Variants in NUCB2 observed in about 807,000 individuals in gnomAD.
NUCB2 encodes nucleobindin 2.
Under a neutral mutation model 57.9 loss-of-function variants are expected in NUCB2, and 48 were observed. The ratio of observed to expected loss-of-function variants is 0.83; its 90% CI spans 0.66 to 1.05. The LOEUF is 1.05. Ranked by LOEUF, NUCB2 falls within the 50% of genes least tolerant of loss-of-function variation. NUCB2 has a pLI of 0.00. For missense variants in NUCB2, 442 were observed against 476.2 expected, an observed-to-expected ratio of 0.93 and a Z score of 0.67; for synonymous variants, 139 against 152.1, an observed-to-expected ratio of 0.91 and a Z score of 0.64.
chr11:17,331,193 G>A, intron 13 of NUCB2: 1 of 535,956 alleles, frequency 1.9e-6, no homozygotes. Flanking sequence ...TGTATCATTT[G>A]TATAATTTGA....
rs1555071216 is a variant in NUCB2, at chr11:17,288,963, A to AT, written c.-1+6032dup. On this transcript the variant is annotated intron_variant, in intron 2 of 13. Transcript: ENST00000529010. ...CACACACACACACATATATATATAT[A>AT]TTTTTTTTTTTTGAGATGGAGTTTT... 9.1e-3 allele frequency among the ~76,000 whole-genome samples: 616 copies of AT among 68,038 alleles called. 109 individuals carry two copies. The highest frequency in any genetic ancestry group is 0.024 in the Middle Eastern group (2 of 84). The allele number at this position is 68,038 out of a possible 152,430, so 44.6% of individuals were successfully genotyped here.
chr11:17,278,916 G>A (rs1941946746), intron 1 of NUCB2, among the ~76,000 whole-genome samples: 1 of 152,184 alleles, frequency 6.6e-6, no homozygotes, highest in African/African-American at 2.4e-5. Context: ...CTTTAGGCCG[G>A]GCATGGTGGC....
chr11:17,319,528 G>A (rs1591506313), intron 11 of NUCB2, among the ~76,000 whole-genome samples: 2 of 152,160 alleles, frequency 1.3e-5, no homozygotes, highest in African/African-American at 4.8e-5. Context: ...AGATGACAGA[G>A]CAGGGGAATT....
chr11:17,331,391 C>CT (rs1951393559), intron 13 of NUCB2, 21 bp from the exon 14 acceptor site: 2 of 1,406,548 alleles, frequency 1.4e-6, no homozygotes, highest in Non-Finnish European at 1.9e-6. Flanking sequence ...AAAATAAGAA[C>CT]TTTTTTCTTT....
At chr11:17,324,865 G>A (rs1239402512) in intron 11 of NUCB2, among the ~76,000 whole-genome samples, 4 of 151,370 alleles carry the variant, frequency 2.6e-5, no homozygotes, top group African/African-American at 7.3e-5. Context: ...GCAGTGGCGC[G>A]ATCTTGGCTC....
At chr11:17,337,120 T>C (rs1182651831), downstream of NUCB2, among the ~76,000 whole-genome samples, 4 of 152,076 alleles carry the variant, frequency 2.6e-5, no homozygotes, top group Non-Finnish European at 4.4e-5. Context: ...TTTAAATTTG[T>C]TGTAGAGATG....
chr11:17,328,706 C>T (rs1174488953), intron 11 of NUCB2, among the ~76,000 whole-genome samples: 2 of 152,124 alleles, frequency 1.3e-5, no homozygotes, highest in African/African-American at 4.8e-5. Context: ...GAAGTGGGCT[C>T]CCCTCTGGCC....
intron 2 of NUCB2, chr11:17,286,765 C>T (rs1421477582): frequency 6.6e-6 from 1 of 152,164 alleles, no homozygotes; most frequent in East Asian, 1.9e-4. Context: ...TCATCTCTTT[C>T]TTCTATATGG....
intron 5 of NUCB2, among the ~76,000 whole-genome samples, chr11:17,306,911 C>CA (rs200996662): frequency 0.045 from 3,566 of 79,698 alleles, 150 homozygotes; most frequent in African/African-American, 0.13. Context: ...GACTCCGTCT[C>CA]AAAAAAAAAA....
intron 4 of NUCB2, 76 bp from the exon 5 acceptor site, chr11:17,301,668 C>T: frequency 9.9e-7 from 1 of 1,010,730 alleles, no homozygotes; most frequent in South Asian, 1.4e-5. Context: ...TGTATTGTAA[C>T]CCTGTTTTTA....
chr11:17,348,248 TAA>T (rs1272259371), intron 2 of NUCB2, among the ~76,000 whole-genome samples: 1 of 151,596 alleles, frequency 6.6e-6, no homozygotes, highest in Admixed American at 6.6e-5. Flanking sequence ...TGGACACTTT[TAA>T]AGAGTCCTTC....
chr11:17,340,888 G>A lies in NUCB2; in HGVS notation n.2626+3354G>A, dbSNP rs868006146. Among the ~76,000 whole-genome samples, 133 of 152,172 alleles carry A rather than the reference G, an allele frequency of 8.7e-4. 1 individual carries two copies. Among genetic ancestry groups the A allele is most frequent in the Middle Eastern group, 3.4e-3 (1 of 294 alleles). ...GCATTGGTAGCTTGATGGGGATGGC[G>A]TTGAATCTATAAATTACCTTGGGCA... On this transcript the variant is annotated intron_variant and non_coding_transcript_variant, in intron 2 of 2. Coordinates refer to the NUCB2 transcript ENST00000532240.
intron 6 of NUCB2, 80 bp from the exon 7 acceptor site, chr11:17,310,745 A>G (rs1948365311): frequency 9.2e-7 from 1 of 1,085,256 alleles, no homozygotes. Flanking sequence ...GTTCAAGAGT[A>G]TGCTATATTC....
At chr11:17,309,012 T>C (rs998001606) in intron 5 of NUCB2, among the ~76,000 whole-genome samples, 9 of 152,088 alleles carry the variant, frequency 5.9e-5, no homozygotes, top group Non-Finnish European at 1.3e-4. Flanking sequence ...ATTTAAGATA[T>C]AACATTAAAA....
Position 17,315,407 on chromosome 11 carries a change from T to G in NUCB2, c.934T>G (p.Leu312Val). The G allele has an allele frequency of 6.2e-7, 1 of 1,608,950 alleles. No individual in the cohort carries two copies. Among genetic ancestry groups the G allele is most frequent in the Non-Finnish European group, 8.5e-7 (1 of 1,176,194 alleles). Residue 312 changes from leucine (L) to valine (V), a missense_variant, in exon 11 of 14, where the codon TTG becomes GTG. Leu to Val is a conservative substitution (Grantham distance 32). Coordinates refer to ENST00000529010, the MANE Select transcript of NUCB2 (RefSeq NM_005013.4). ...MNEVDTNKDR[L>V]VTLEEFLKAT... is the part of the protein sequence containing the mutation. ...TCAGGTTGATACTAACAAAGACAGA[T>G]TGGTGACTCTGGAGGAGTTTTTGAA...
At chr11:17,328,955 C>T (rs1951035543) in intron 11 of NUCB2, among the ~76,000 whole-genome samples, 1 of 152,230 alleles carries the variant, frequency 6.6e-6, no homozygotes, top group African/African-American at 2.4e-5. Flanking sequence ...CAGCATACTC[C>T]ATGGGTCTTG....
intron 4 of NUCB2, among the ~76,000 whole-genome samples, chr11:17,299,256 T>C (rs560313954): frequency 1.3e-5 from 2 of 152,290 alleles, no homozygotes; most frequent in East Asian, 1.9e-4. Flanking sequence ...TATTGCTGTT[T>C]CCTACCTTCG....
chr11:17,309,547 T>C, intron 5 of NUCB2, 25 bp from the exon 6 acceptor site: 1 of 1,268,224 alleles, frequency 7.9e-7, no homozygotes, highest in South Asian at 1.3e-5. Context: ...AATTGATCAT[T>C]TACAGTTTTC....
intron 2 of NUCB2, among the ~76,000 whole-genome samples, chr11:17,287,324 C>G (rs1943925654): frequency 1.3e-5 from 2 of 151,806 alleles, no homozygotes; most frequent in Admixed American, 1.3e-4. Context: ...AGAATGAGAA[C>G]CTGTCTCAAA....
Sources: allele counts gnomAD v4.1 joint callset (sites outside exome capture counted in the v4.1 genomes callset), GRCh38; gene constraint gnomAD v4.1.1; transcripts MANE v1.5; gene names NCBI Gene and HGNC (gene_info 2026-07-23, HGNC 2026-07-21).